The following NXPH1 variants were observed in gnomAD, a reference collection of about 807,000 sequenced individuals.
NXPH1 encodes the protein neurexophilin 1, also known as neurexophilin-1.
A neutral mutation model predicts 23.7 loss-of-function variants in NXPH1; 5 were observed. The ratio of observed to expected loss-of-function variants is 0.21; its 90% CI spans 0.11 to 0.44. The LOEUF is 0.44. Among genes scored for constraint, NXPH1 ranks in the 20% least tolerant of loss-of-function variants. The pLI, the probability that NXPH1 is intolerant of heterozygous loss-of-function variation, is 0.99. For synonymous variants in NXPH1, 144 were observed against 122.2 expected (o/e 1.18, Z -1.18); for missense variants, 324 against 321.6 (o/e 1.01, Z -0.06).
chr7:8,557,877 G>T (rs535323778), intron 2 of NXPH1, among the ~76,000 whole-genome samples: 71 of 151,768 alleles, frequency 4.7e-4, no homozygotes, highest in East Asian at 2.9e-3. Context: ...AAGGCATACA[G>T]AAAATCAATC....
intron 2 of NXPH1, among the ~76,000 whole-genome samples, chr7:8,599,232 A>G (rs1385581795): frequency 5.9e-5 from 9 of 152,060 alleles, no homozygotes; most frequent in Non-Finnish European, 1.5e-5. Context: ...TAGGAGTGAG[A>G]AGGATAGTTA....
At chr7:8,564,270 T>G (rs1393498995) in intron 2 of NXPH1, among the ~76,000 whole-genome samples, 2 of 151,818 alleles carry the variant, frequency 1.3e-5, no homozygotes, top group Non-Finnish European at 2.9e-5. Flanking sequence ...AAAATTAATT[T>G]TAAAAATAAA....
chr7:8,712,984 A>G (rs1221662619), intron 2 of NXPH1, among the ~76,000 whole-genome samples: 1 of 152,080 alleles, frequency 6.6e-6, no homozygotes, highest in African/African-American at 2.4e-5. Context: ...AAAGTTTATT[A>G]TTCCTTAGAA....
intron 2 of NXPH1, among the ~76,000 whole-genome samples, chr7:8,719,507 G>A (rs1030588380): frequency 6.6e-5 from 10 of 152,172 alleles, no homozygotes; most frequent in African/African-American, 2.4e-4. Flanking sequence ...AAAAATTTAT[G>A]TGCAAAGTCA....
At chr7:8,737,229 T>C (rs1029738822) in intron 2 of NXPH1, among the ~76,000 whole-genome samples, 3 of 152,224 alleles carry the variant, frequency 2.0e-5, no homozygotes, top group South Asian at 2.1e-4. Flanking sequence ...ATAGTGTTGA[T>C]GGTCTTTACA....
Position 8,435,565 on chromosome 7 carries a change from C to T in NXPH1, c.-110-39C>T. ...GCTTGATTGTCAAGCCTAACCTTGCCCGCGTAGTCATGGGATGTCTAATTT... is the reference window on the plus strand; with the variant it reads ...GCTTGATTGTCAAGCCTAACCTTGCTCGCGTAGTCATGGGATGTCTAATTT... On this transcript the variant is annotated intron_variant, in intron 1 of 2. Coordinates refer to ENST00000405863, the MANE Select transcript of NXPH1 (RefSeq NM_152745.3). This position sits in a 1 kb window ranked among gnomAD's most constrained non-coding sequence, Gnocchi z 5.9. 4.2e-6 allele frequency: 3 copies of T among 707,214 alleles called. No individual in the cohort carries two copies. The highest frequency in any genetic ancestry group is 5.1e-6 in the Non-Finnish European group (2 of 392,020). The allele number at this position is 707,214 out of a possible 1,614,324, so 43.8% of individuals were successfully genotyped here. A position where few individuals can be genotyped will look rare whatever the true frequency, so the allele number is the denominator to read the frequency against.
intron 2 of NXPH1, among the ~76,000 whole-genome samples, chr7:8,551,796 C>T (rs1156987476): frequency 1.3e-5 from 2 of 151,324 alleles, no homozygotes; most frequent in African/African-American, 4.8e-5. Context: ...AGCAAGAAAA[C>T]AGTGTTGTAC....
At chr7:8,520,501 G>A (rs754283893) in intron 2 of NXPH1, among the ~76,000 whole-genome samples, 114 of 152,166 alleles carry the variant, frequency 7.5e-4, no homozygotes, top group Admixed American at 1.8e-3. Flanking sequence ...GCAGATATAA[G>A]TCCGACACGG....
intron 2 of NXPH1, among the ~76,000 whole-genome samples, chr7:8,456,194 A>G (rs1386159454): frequency 2.0e-5 from 3 of 152,168 alleles, no homozygotes; most frequent in African/African-American, 7.2e-5. Context: ...CTGCTTCCCC[A>G]TCTACATAAA....
intron 2 of NXPH1, among the ~76,000 whole-genome samples, chr7:8,612,320 C>A (rs1311313447): frequency 6.6e-6 from 1 of 150,870 alleles, no homozygotes; most frequent in African/African-American, 2.4e-5. Context: ...GTGATATAAT[C>A]AAGCAGCTCA....
intron 2 of NXPH1, among the ~76,000 whole-genome samples, chr7:8,582,532 CCTGCAGTGGGTAGCT>C (rs1470659801): frequency 6.6e-6 from 1 of 152,104 alleles, no homozygotes; most frequent in Non-Finnish European, 1.5e-5. Flanking sequence ...AGAGAGGAGA[CCTGCAGTGGGTAGCT>C]CTGCAGTGGG....
intron 2 of NXPH1, among the ~76,000 whole-genome samples, chr7:8,633,723 A>G (rs535676946): frequency 2.2e-4 from 33 of 152,336 alleles, no homozygotes; most frequent in African/African-American, 7.9e-4. Context: ...TATACAGCCC[A>G]TGGTTCATCA....
At chr7:8,559,145 A>G (rs1818403234) in intron 2 of NXPH1, among the ~76,000 whole-genome samples, 1 of 151,528 alleles carries the variant, frequency 6.6e-6, no homozygotes, top group Non-Finnish European at 1.5e-5. Flanking sequence ...TTTTTTAGAG[A>G]CAAGGTCCCA....
chr7:8,589,655 A>G (rs1335832120), intron 2 of NXPH1, among the ~76,000 whole-genome samples: 2 of 152,114 alleles, frequency 1.3e-5, no homozygotes, highest in Non-Finnish European at 2.9e-5. Flanking sequence ...CGAAAAAGAT[A>G]ACCTGAAGAG....
intron 2 of NXPH1, among the ~76,000 whole-genome samples, chr7:8,610,284 T>G (rs1198928228): frequency 6.6e-6 from 1 of 152,166 alleles, no homozygotes; most frequent in African/African-American, 2.4e-5. Context: ...GCACTCTCCA[T>G]AGCACAAGAA....
chr7:8,751,528 T>C lies in NXPH1; in HGVS notation c.575T>C (p.Phe192Ser). Residue 192 changes from phenylalanine to serine, a missense_variant, in exon 3 of 3, where the codon TTT becomes TCT. Physicochemically the swap from Phe to Ser is radical, Grantham distance 155. Transcript: ENST00000405863. The surrounding 1 kb of genome is among the most constrained non-coding windows in gnomAD (Gnocchi z 4.5). ...ATTGATGCCAAAGATTCCAAGTCTTTTAATTGTCGCATTGAATATGAAAAG... is the reference window on the plus strand; with the variant it reads ...ATTGATGCCAAAGATTCCAAGTCTTCTAATTGTCGCATTGAATATGAAAAG... ...TVIDAKDSKSFNCRIEYEKVD... is the reference protein window; with the variant it reads ...TVIDAKDSKSSNCRIEYEKVD... 1 of 1,613,594 alleles carries C rather than the reference T, an allele frequency of 6.2e-7. No individual in the cohort carries two copies. Among genetic ancestry groups the C allele is most frequent in the Non-Finnish European group, 8.5e-7 (1 of 1,179,766 alleles).
In NXPH1 at chr7:8,489,276, A is replaced by C. The variant is rs931257371; in HGVS notation, c.54+53509A>C. 1.1e-4 allele frequency among the ~76,000 whole-genome samples: 17 copies of C among 152,144 alleles called. No homozygotes were observed. The East Asian group carries it at 3.3e-3, about 29-fold the overall frequency. ...GAAAGGGGGTGGCCTTCTCATATCG[A>C]AAAGGACCCTTCTTCATTCTAGGGA... On this transcript the variant is annotated intron_variant, in intron 2 of 2. Transcript: ENST00000405863.
intron 2 of NXPH1, among the ~76,000 whole-genome samples, chr7:8,465,128 A>G (rs1175614515): frequency 2.0e-5 from 3 of 152,232 alleles, no homozygotes; most frequent in Non-Finnish European, 4.4e-5. Flanking sequence ...AGGAAAATTT[A>G]TAGTATAGGG....
At chr7:8,439,278 A>G (rs1816250215) in intron 2 of NXPH1, among the ~76,000 whole-genome samples, 1 of 152,162 alleles carries the variant, frequency 6.6e-6, no homozygotes, top group Non-Finnish European at 1.5e-5. Flanking sequence ...CTTGCTCTGA[A>G]GAGTGGGGGT....
Sources: gnomAD v4.1 joint callset for allele counts (sites outside exome capture counted in the v4.1 genomes callset) on GRCh38, gnomAD v4.1.1 for gene constraint, Gnocchi (gnomAD v3.1) non-coding constraint, MANE v1.5 for transcripts, NCBI Gene and HGNC (gene_info 2026-07-23, HGNC 2026-07-21) for gene names.